Variants in TSPAN9 observed in about 807,000 individuals in gnomAD.
The protein encoded by TSPAN9 is tetraspanin 9.
TSPAN9 carries 16 observed loss-of-function variants against 31.0 expected under a neutral mutation model. That is an observed-to-expected ratio of 0.52 (90% CI 0.35 to 0.78). The LOEUF is 0.78. Among genes scored for constraint, TSPAN9 ranks in the 30% least tolerant of loss-of-function variants. The pLI is 0.01. For synonymous variants in TSPAN9, 145 were observed against 121.6 expected, an observed-to-expected ratio of 1.19 and a Z score of -1.27; for missense variants, 272 against 312.5, an observed-to-expected ratio of 0.87 and a Z score of 0.98.
At chr12:3,139,032 C>A (rs1036493182) in intron 2 of TSPAN9, among the ~76,000 whole-genome samples, 7 of 152,200 alleles carry the variant, frequency 4.6e-5, no homozygotes, top group Non-Finnish European at 8.8e-5. Flanking sequence ...CCTGCTCCCC[C>A]ACCCTCCCTA....
intron 2 of TSPAN9, among the ~76,000 whole-genome samples, chr12:3,109,891 T>C (rs2153965248): frequency 6.6e-6 from 1 of 151,674 alleles, no homozygotes; most frequent in Non-Finnish European, 1.5e-5. Flanking sequence ...TTAGAGACTG[T>C]AGGTAAAAGG....
Position 3,283,401 on chromosome 12 carries a change from C to A in TSPAN9, c.*285C>A, listed in dbSNP as rs61657626. ...GGGCTGGGGTGCGCTCCGGAGGAAC[C>A]CCCGGCACTGATGGGCTTCTGCCCC... On this transcript the variant is annotated 3_prime_UTR_variant, in exon 9 of 9. Transcript: ENST00000011898. 167 of 344,908 alleles carry A rather than the reference C, an allele frequency of 4.8e-4. 1 individual carries two copies. The East Asian group carries it at 8.9e-3, about 18-fold the overall frequency. 21.4% of individuals were successfully genotyped at this position (344,908 alleles called of 1,614,324 possible). A position where few individuals can be genotyped will look rare whatever the true frequency, so the allele number is the denominator to read the frequency against.
rs1178484895 is a variant in TSPAN9, at chr12:3,168,527, G to T, written c.-17-32650G>T. 3.9e-5 allele frequency among the ~76,000 whole-genome samples: 6 copies of T among 152,162 alleles called. No individual in the cohort carries two copies. Among genetic ancestry groups the T allele is most frequent in the Admixed American group, 3.9e-4 (6 of 15,280 alleles). On this transcript the variant is annotated intron_variant, in intron 2 of 8. Coordinates refer to ENST00000011898, the MANE Select transcript of TSPAN9 (RefSeq NM_006675.5). This position sits in a 1 kb window ranked among gnomAD's most constrained non-coding sequence, Gnocchi z 4.0. Reference sequence around the variant, plus strand: ...AGAAGAGAGTGTCACAAGCTGGGAGGTGCCAGAGCTGGGGGGCGGTGGGGA... The same window carrying T: ...AGAAGAGAGTGTCACAAGCTGGGAGTTGCCAGAGCTGGGGGGCGGTGGGGA...
In TSPAN9 at chr12:3,280,574, A is replaced by G; in HGVS notation, c.432+91A>G. The G allele has an allele frequency of 1.6e-6, 2 of 1,232,190 alleles. No homozygotes were observed. Among genetic ancestry groups the G allele is most frequent in the Non-Finnish European group, 2.3e-6 (2 of 873,442 alleles). The allele number at this position is 1,232,190 out of a possible 1,614,324, so 76.3% of individuals were successfully genotyped here. A position where few individuals can be genotyped will look rare whatever the true frequency, so the allele number is the denominator to read the frequency against. On this transcript the variant is annotated intron_variant, in intron 6 of 8. Coordinates refer to ENST00000011898, the MANE Select transcript of TSPAN9 (RefSeq NM_006675.5). This position sits in a 1 kb window ranked among gnomAD's most constrained non-coding sequence, Gnocchi z 4.5. ...GCCTTCCCCGGTGACCTGGCCGGGC[A>G]CCTGTGCTTTCTGGATTTTAGCCGG...
At chr12:3,083,257 C>T (rs752719301) in intron 1 of TSPAN9, among the ~76,000 whole-genome samples, 5 of 152,220 alleles carry the variant, frequency 3.3e-5, no homozygotes, top group African/African-American at 4.8e-5. Flanking sequence ...AGTTTACACA[C>T]TTTTACATAT....
chr12:3,184,720 T>C (rs2098360276), intron 2 of TSPAN9, among the ~76,000 whole-genome samples: 1 of 152,188 alleles, frequency 6.6e-6, no homozygotes, highest in Admixed American at 6.5e-5. Context: ...TGCATGGTTT[T>C]GCTGACGTTC....
At chr12:3,196,371 A>G (rs926522554) in intron 2 of TSPAN9, among the ~76,000 whole-genome samples, 1 of 152,156 alleles carries the variant, frequency 6.6e-6, no homozygotes, top group Non-Finnish European at 1.5e-5. Flanking sequence ...ACATCACATC[A>G]GGACATGATA....
intron 2 of TSPAN9, among the ~76,000 whole-genome samples, chr12:3,199,212 C>T (rs2098369715): frequency 6.6e-6 from 1 of 152,224 alleles, no homozygotes; most frequent in African/African-American, 2.4e-5. Context: ...ATTCTTCCAT[C>T]CAGCCATCCC....
At chr12:3,263,851 T>C (rs1202872809) in intron 3 of TSPAN9, among the ~76,000 whole-genome samples, 1 of 152,150 alleles carries the variant, frequency 6.6e-6, no homozygotes, top group Non-Finnish European at 1.5e-5. Context: ...TGGGCCTTGA[T>C]GGCTCTGGAT....
intron 2 of TSPAN9, among the ~76,000 whole-genome samples, chr12:3,134,299 G>A (rs28662501): frequency 0.2 from 30,216 of 152,200 alleles, 3,260 homozygotes; most frequent in African/African-American, 0.28. Context: ...TGAGAGTATT[G>A]TGGGAACAGT....
intron 2 of TSPAN9, among the ~76,000 whole-genome samples, chr12:3,085,622 AC>A (rs1861983269): frequency 6.6e-6 from 1 of 151,972 alleles, no homozygotes; most frequent in Non-Finnish European, 1.5e-5. Context: ...CCTACCTGTA[AC>A]TGCTGTGCGA....
At chr12:3,160,083 C>A (rs2098344249) in intron 2 of TSPAN9, among the ~76,000 whole-genome samples, 1 of 152,218 alleles carries the variant, frequency 6.6e-6, no homozygotes, top group Non-Finnish European at 1.5e-5. Flanking sequence ...TTCTCTATAT[C>A]CTCCCAACCC....
At chr12:3,226,784 A>T (rs1175568022) in intron 3 of TSPAN9, among the ~76,000 whole-genome samples, 1,451 of 4,094 alleles carry the variant, frequency 0.35, 417 homozygotes, top group Non-Finnish European at 0.4. Flanking sequence ...ATATATATAT[A>T]TATATATATA....
At chr12:3,181,341 A>C (rs566633860) in intron 2 of TSPAN9, among the ~76,000 whole-genome samples, 1 of 152,316 alleles carries the variant, frequency 6.6e-6, no homozygotes, top group Non-Finnish European at 1.5e-5. Flanking sequence ...CATAATTCAG[A>C]CAAGGAAACT....
At chr12:3,124,435 CTT>C (rs879275684) in intron 2 of TSPAN9, among the ~76,000 whole-genome samples, 3 of 143,262 alleles carry the variant, frequency 2.1e-5, no homozygotes, top group Non-Finnish European at 1.5e-5. Flanking sequence ...TTGATACATT[CTT>C]TTTTTTTTTT....
chr12:3,085,463 A>C (rs1162951075), intron 2 of TSPAN9, among the ~76,000 whole-genome samples: 1 of 151,848 alleles, frequency 6.6e-6, no homozygotes, highest in Non-Finnish European at 1.5e-5. Context: ...GGGAGATGTG[A>C]GTGGAGGCCT....
chr12:3,255,298 C>T (rs1429124524), intron 3 of TSPAN9, among the ~76,000 whole-genome samples: 1 of 152,224 alleles, frequency 6.6e-6, no homozygotes, highest in African/African-American at 2.4e-5. Context: ...CATGTGGACC[C>T]TTCGCAGAGG....
chr12:3,277,852 C>T (rs922785849), intron 3 of TSPAN9, among the ~76,000 whole-genome samples: 1 of 152,240 alleles, frequency 6.6e-6, no homozygotes, highest in South Asian at 2.1e-4. Context: ...ATGACTGCCT[C>T]CTTTCTCCAT....
At chr12:3,102,435 A>ATTTTTTTT (rs33918863) in intron 2 of TSPAN9, among the ~76,000 whole-genome samples, 36 of 135,264 alleles carry the variant, frequency 2.7e-4, no homozygotes, top group African/African-American at 9.7e-4. Context: ...CCAAGGAGGA[A>ATTTTTTTT]TTTTTTTTTT....
Sources: allele counts gnomAD v4.1 joint callset (sites outside exome capture counted in the v4.1 genomes callset), GRCh38; gene constraint gnomAD v4.1.1; non-coding constraint Gnocchi (gnomAD v3.1); transcripts MANE v1.5; gene names NCBI Gene and HGNC (gene_info 2026-07-23, HGNC 2026-07-21).